Variants in APP observed in about 807,000 individuals in gnomAD.
APP encodes amyloid beta precursor protein.
A neutral mutation model predicts 101.4 loss-of-function variants in APP; 31 were observed. The ratio of observed to expected loss-of-function variants is 0.31; its 90% CI spans 0.23 to 0.41. APP has a LOEUF of 0.41. APP is among the 10% of genes least tolerant of loss of function. The probability of loss-of-function intolerance (pLI) is 1.00; values close to 1 mark genes in which losing one functional copy is unlikely to be tolerated. For missense variants in APP, 839 were observed against 1,003.7 expected, an observed-to-expected ratio of 0.84 and a Z score of 2.22; for synonymous variants, 366 against 364.4, an observed-to-expected ratio of 1.00 and a Z score of -0.05.
chr21:25,982,057 T>G (rs183004708), intron 9 of APP, among the ~76,000 whole-genome samples: 1 of 152,204 alleles, frequency 6.6e-6, no homozygotes, highest in Non-Finnish European at 1.5e-5. Context: ...GTACTACATA[T>G]ACACAGAATA....
Position 26,149,692 on chromosome 21 carries a change from T to C in APP, c.57+20872A>G, listed in dbSNP as rs541613141. Among the ~76,000 whole-genome samples, 15 of 152,372 alleles carry C rather than the reference T, an allele frequency of 9.8e-5. No homozygotes were observed. The East Asian group carries it at 1.5e-3, about 16-fold the overall frequency. On this transcript the variant is annotated intron_variant, in intron 1 of 17. Coordinates refer to ENST00000346798, the MANE Select transcript of APP (RefSeq NM_000484.4). Reference sequence around the variant, plus strand: ...ATACTCTAAACGCTCTTTTAAATGTTTGGAGTACAGAATGTCTTTCATGAA... The same window carrying C: ...ATACTCTAAACGCTCTTTTAAATGTCTGGAGTACAGAATGTCTTTCATGAA...
intron 1 of APP, among the ~76,000 whole-genome samples, chr21:26,168,464 GCTA>G (rs1487129443): frequency 6.6e-6 from 1 of 152,144 alleles, no homozygotes; most frequent in East Asian, 1.9e-4. Context: ...GTTAACAATA[GCTA>G]CTGAAAAGGT....
chr21:26,096,197 C>G (rs779677908), intron 2 of APP, among the ~76,000 whole-genome samples: 2 of 152,244 alleles, frequency 1.3e-5, no homozygotes, highest in Non-Finnish European at 2.9e-5. Context: ...ATAATGCTAA[C>G]CCCTCTTACA....
At chr21:25,954,039 T>C (rs951169968) in intron 13 of APP, among the ~76,000 whole-genome samples, 3 of 152,218 alleles carry the variant, frequency 2.0e-5, no homozygotes, top group African/African-American at 7.2e-5. Flanking sequence ...AGAACACTCA[T>C]GGCTTCCCTG....
intron 12 of APP, among the ~76,000 whole-genome samples, chr21:25,955,295 T>C (rs1184905605): frequency 6.6e-6 from 1 of 152,226 alleles, no homozygotes; most frequent in African/African-American, 2.4e-5. Flanking sequence ...AGGTTTATGA[T>C]TGCCTGCCAT....
At chr21:25,899,577 A>G (rs1264660325) in intron 15 of APP, among the ~76,000 whole-genome samples, 1 of 152,152 alleles carries the variant, frequency 6.6e-6, no homozygotes, top group Non-Finnish European at 1.5e-5. Flanking sequence ...GAGGTCTCTT[A>G]GTAACAGTGA....
intron 2 of APP, among the ~76,000 whole-genome samples, chr21:26,096,000 T>C (rs767330349): frequency 1.3e-5 from 2 of 152,216 alleles, no homozygotes; most frequent in Non-Finnish European, 2.9e-5. Context: ...TGTCAGCTAG[T>C]AGAAAAATAA....
At chr21:25,905,583 G>T (rs1403012120) in intron 14 of APP, among the ~76,000 whole-genome samples, 2 of 152,172 alleles carry the variant, frequency 1.3e-5, no homozygotes, top group Non-Finnish European at 2.9e-5. Context: ...TATATAATCT[G>T]CCATTTAGTG....
chr21:26,054,881 G>A (rs1439750208), intron 3 of APP, among the ~76,000 whole-genome samples: 1 of 152,092 alleles, frequency 6.6e-6, no homozygotes, highest in African/African-American at 2.4e-5. Context: ...CATAAAGAGG[G>A]ATTAAAAGCC....
intron 8 of APP, among the ~76,000 whole-genome samples, chr21:25,996,782 A>G (rs1003014754): frequency 6.6e-6 from 1 of 152,252 alleles, no homozygotes; most frequent in African/African-American, 2.4e-5. Flanking sequence ...GAACTGGATA[A>G]TAACTCAAGT....
At chr21:26,075,613 G>A (rs935163253) in intron 3 of APP, among the ~76,000 whole-genome samples, 3 of 152,140 alleles carry the variant, frequency 2.0e-5, no homozygotes, top group Admixed American at 6.5e-5. Flanking sequence ...AATTTACAGC[G>A]TAACAAGGAC....
intron 17 of APP, among the ~76,000 whole-genome samples, chr21:25,883,251 A>T (rs2037106207): frequency 6.6e-6 from 1 of 151,988 alleles, no homozygotes; most frequent in Non-Finnish European, 1.5e-5. Context: ...AAAAATACAA[A>T]AATTAGCCAG....
At chr21:26,140,882 T>C (rs2063030728) in intron 1 of APP, among the ~76,000 whole-genome samples, 1 of 152,210 alleles carries the variant, frequency 6.6e-6, no homozygotes, top group Non-Finnish European at 1.5e-5. Context: ...TCAAGTTCTT[T>C]TCCAACGTTA....
chr21:25,896,849 T>C (rs768716391), intron 16 of APP, among the ~76,000 whole-genome samples: 1 of 151,774 alleles, frequency 6.6e-6, no homozygotes, highest in Non-Finnish European at 1.5e-5. Context: ...TCATGGGAGG[T>C]AGGGGAGGGA....
At chr21:25,994,872 A>G (rs1024134160) in intron 8 of APP, among the ~76,000 whole-genome samples, 7 of 152,238 alleles carry the variant, frequency 4.6e-5, no homozygotes, top group African/African-American at 1.7e-4. Flanking sequence ...TGCACAGGCT[A>G]TAAATAACTA....
intron 14 of APP, among the ~76,000 whole-genome samples, chr21:25,905,796 GACAGC>G (rs1334411500): frequency 3.3e-5 from 5 of 152,156 alleles, no homozygotes; most frequent in African/African-American, 1.2e-4. Context: ...AAGCAGTGTG[GACAGC>G]ATGATATTCC....
intron 5 of APP, among the ~76,000 whole-genome samples, chr21:26,038,178 C>T (rs1216964567): frequency 6.6e-6 from 1 of 151,974 alleles, no homozygotes; most frequent in Non-Finnish European, 1.5e-5. Context: ...AAAAAAACTC[C>T]TACATATTTA....
chr21:25,909,557 G>A (rs1327457617), intron 14 of APP, among the ~76,000 whole-genome samples: 1 of 3,304 alleles, frequency 3.0e-4, no homozygotes, highest in Non-Finnish European at 5.3e-4. Flanking sequence ...GGACATCCTG[G>A]CAATTACCAA....
rs1208261188 is a variant in APP, at chr21:26,111,096, A to AG, written c.225+882_225+883insC. 2.0e-5 allele frequency among the ~76,000 whole-genome samples: 3 copies of AG among 150,876 alleles called. No individual in the cohort carries two copies. The East Asian group carries it at 5.8e-4, about 29-fold the overall frequency. ...GGATACAAAGTTAAGTTAAAAAAAA[A>AG]AAAAAAAAAAAAAGCAAAGTGCAGA... On this transcript the variant is annotated intron_variant, in intron 2 of 17. Transcript: ENST00000346798.
Sources: gnomAD v4.1 joint callset for allele counts (sites outside exome capture counted in the v4.1 genomes callset) on GRCh38, gnomAD v4.1.1 for gene constraint, MANE v1.5 for transcripts, NCBI Gene and HGNC (gene_info 2026-07-23, HGNC 2026-07-21) for gene names.